GPC2: variants seen among roughly 807,000 people sequenced by gnomAD.
The protein encoded by GPC2 is glypican-2.
GPC2 carries 42 observed loss-of-function variants against 57.3 expected under a neutral mutation model. That is an observed-to-expected ratio of 0.73 (90% CI 0.57 to 0.95). GPC2 has a LOEUF of 0.95. Ranked by LOEUF, GPC2 falls within the 40% of genes least tolerant of loss-of-function variation. The probability of loss-of-function intolerance (pLI) is 0.00; values close to 1 mark genes in which losing one functional copy is unlikely to be tolerated. For synonymous variants in GPC2, 364 were observed against 343.4 expected (o/e 1.06, Z -0.66); for missense variants, 745 against 793.6 (o/e 0.94, Z 0.74).
intron 9 of GPC2, 71 bp from the exon 10 acceptor site, chr7:100,170,554 T>C: frequency 7.5e-7 from 1 of 1,335,374 alleles, no homozygotes; most frequent in East Asian, 2.9e-5. Context: ...GGAAAAGAAA[T>C]TGAGATAAAA....
At chr7:100,170,657 G>A (rs1247540558) in intron 9 of GPC2, among the ~76,000 whole-genome samples, 174 bp from the exon 10 acceptor site, 1 of 151,782 alleles carries the variant, frequency 6.6e-6, no homozygotes, top group Non-Finnish European at 1.5e-5. Context: ...AGGGAGAGAA[G>A]GAAGGAGAGA....
rs1296291670 is a variant in GPC2 at position 100,171,589 on chromosome 7, C to T, written c.1260G>A (p.Ala420=). ...AGGGCGCCGCCTCCAGCGAGGCGTC[C>T]GCTGCCATGCGAGAGTCTCCGCACA... is the stretch of plus-strand genomic sequence containing the variant. ...LTVCGDSRMA[A]DASLEAAPCW... The change falls in exon 8 of 10, where the codon GCG becomes GCA. Residue 420 remains alanine, a synonymous_variant. Coordinates refer to ENST00000292377, the MANE Select transcript of GPC2 (RefSeq NM_152742.3). The surrounding 1 kb of genome is among the most constrained non-coding windows in gnomAD (Gnocchi z 4.8). The T allele has an allele frequency of 5.3e-6, 8 of 1,514,998 alleles. No individual in the cohort carries two copies. The highest frequency in any genetic ancestry group is 6.1e-6 in the Non-Finnish European group (7 of 1,143,912). 93.8% of individuals were successfully genotyped at this position (1,514,998 alleles called of 1,614,324 possible). A position where few individuals can be genotyped will look rare whatever the true frequency, so the allele number is the denominator to read the frequency against.
rs1799175292 is a variant in GPC2, at chr7:100,171,461, G to A, written c.1311-25C>T. 11 of 1,357,948 alleles carry A rather than the reference G, an allele frequency of 8.1e-6. No homozygotes were observed. The South Asian group carries it at 1.6e-4, about 20-fold the overall frequency. 84.1% of individuals were successfully genotyped at this position (1,357,948 alleles called of 1,614,324 possible). ...CCTGCGAGCAGAGCAGCCCCGAAGCGCCAGCTAGCGCGCGCGGCCCCGCCC... is the reference window on the plus strand; with the variant it reads ...CCTGCGAGCAGAGCAGCCCCGAAGCACCAGCTAGCGCGCGCGGCCCCGCCC... On this transcript the variant is annotated intron_variant, in intron 8 of 9. Coordinates refer to ENST00000292377, the MANE Select transcript of GPC2 (RefSeq NM_152742.3). This position sits in a 1 kb window ranked among gnomAD's most constrained non-coding sequence, Gnocchi z 4.8.
Position 100,177,086 on chromosome 7 carries a change from C to A in GPC2, c.114G>T (p.Val38=), listed in dbSNP as rs376122876. The change falls in exon 1 of 10, where the codon GTG becomes GTT. Residue 38 remains valine, a synonymous_variant. Coordinates refer to ENST00000292377, the MANE Select transcript of GPC2 (RefSeq NM_152742.3). ...VTRSCAETRQ[V]LGARGYSLNL... is the part of the protein sequence containing the mutation. Reference sequence around the variant, plus strand: ...TTAAGCTATATCCCCGGGCCCCCAGCACCTGCCGGGTCTCTGCACAACTCC... The same window carrying A: ...TTAAGCTATATCCCCGGGCCCCCAGAACCTGCCGGGTCTCTGCACAACTCC... 8.1e-6 allele frequency: 13 copies of A among 1,612,644 alleles called. No homozygotes were observed. The highest frequency in any genetic ancestry group is 4.5e-5 in the East Asian group (2 of 44,840).
chr7:100,175,240 A>G (rs77390585), intron 3 of GPC2, among the ~76,000 whole-genome samples: 2,688 of 152,330 alleles, frequency 0.018, 80 homozygotes, highest in African/African-American at 0.061. Flanking sequence ...GTTTAGTTGA[A>G]CCAGAGGAAG....
At chr7:100,176,465 C>G in intron 1 of GPC2, 100 bp from the exon 2 acceptor site, 1 of 1,143,254 alleles carries the variant, frequency 8.7e-7, no homozygotes, top group Non-Finnish European at 1.3e-6. Context: ...TTCTACCTGC[C>G]TGGTCTCTTT....
At chr7:100,174,387 G>T in intron 4 of GPC2, 1 of 540,172 alleles carries the variant, frequency 1.9e-6, no homozygotes, top group South Asian at 2.0e-5. Context: ...GGGATCCTGG[G>T]GGGTTGGGCG....
intron 4 of GPC2, chr7:100,174,390 G>T: frequency 1.9e-6 from 1 of 539,486 alleles, no homozygotes; most frequent in East Asian, 3.3e-5. Context: ...ATCCTGGGGG[G>T]TTGGGCGGGG....
chr7:100,170,452 C>T lies in GPC2; in HGVS notation c.1518G>A (p.Gln506=). The T allele has an allele frequency of 6.4e-7, 1 of 1,572,722 alleles. No homozygotes were observed. Among genetic ancestry groups the T allele is most frequent in the Non-Finnish European group, 8.6e-7 (1 of 1,156,362 alleles). ...DEDASGSGGG[Q]QYADDWMAGA... ...CAGCCATCCAGTCATCTGCATACTG[C>T]TGTCCCCCTCCAGAGCCGCTGGCAT... Residue 506 remains glutamine, a synonymous_variant, in exon 10 of 10, where the codon CAG becomes CAA. Transcript: ENST00000292377.
In GPC2 at chr7:100,170,327, T is replaced by G; in HGVS notation, c.1643A>C (p.Gln548Pro). The change falls in exon 10 of 10, where the codon CAG (glutamine) becomes CCG (proline). Residue 548 changes from glutamine to proline, a missense_variant. Gln to Pro is a moderately conservative substitution (Grantham distance 76, BLOSUM62 -1). Transcript: ENST00000292377. The part of the protein sequence containing the change: ...KGGGGSARYN[Q>P]GRSRSGGASI... ...TGCCCCCCCACTCCTGCTCCGGCCC[T>G]GGTTGTAGCGGGCACTGCCACCTCC... The G allele has an allele frequency of 6.2e-7, 1 of 1,612,754 alleles. No homozygotes were observed. Among genetic ancestry groups the G allele is most frequent in the Non-Finnish European group, 8.5e-7 (1 of 1,179,476 alleles).
intron 5 of GPC2, among the ~76,000 whole-genome samples, chr7:100,173,031 G>A (rs1433268460): frequency 2.0e-5 from 3 of 151,810 alleles, no homozygotes; most frequent in Admixed American, 6.6e-5. Flanking sequence ...ATGCCACCAC[G>A]CCTGGCTAAT....
chr7:100,171,616 C>G lies in GPC2; in HGVS notation c.1233G>C (p.Thr411=), dbSNP rs760307064. 6 of 1,533,950 alleles carry G rather than the reference C, an allele frequency of 3.9e-6. No individual in the cohort carries two copies. Among genetic ancestry groups the G allele is most frequent in the Non-Finnish European group, 5.2e-6 (6 of 1,153,392 alleles). ...CTGCCATGCGAGAGTCTCCGCACACCGTCAGGGACAGCCGGGCCCAGAAGC... is the reference window on the plus strand; with the variant it reads ...CTGCCATGCGAGAGTCTCCGCACACGGTCAGGGACAGCCGGGCCCAGAAGC... ...MRGFWARLSL[T]VCGDSRMAAD... is the part of the protein sequence containing the mutation. The change falls in exon 8 of 10, where the codon ACG becomes ACC. Residue 411 remains threonine (T), a synonymous_variant. Coordinates refer to ENST00000292377, the MANE Select transcript of GPC2 (RefSeq NM_152742.3). This position sits in a 1 kb window ranked among gnomAD's most constrained non-coding sequence, Gnocchi z 4.8.
In GPC2 at chr7:100,177,322, G is replaced by T. The variant is rs1799329079; in HGVS notation, c.-123C>A. ...GGGCCAGAGAAAGAGCGCTGCTCCG[G>T]AAAACTGAATACCGAGCACGATAGC... On this transcript the variant is annotated 5_prime_UTR_variant, in exon 1 of 10. Coordinates refer to ENST00000292377, the MANE Select transcript of GPC2 (RefSeq NM_152742.3). 1 of 816,730 alleles carries T rather than the reference G, an allele frequency of 1.2e-6. No homozygotes were observed. The highest frequency in any genetic ancestry group is 3.3e-5 in the Admixed American group (1 of 30,648). 50.6% of individuals were successfully genotyped at this position (816,730 alleles called of 1,614,324 possible).
At position 100,177,208 on chromosome 7, in the gene GPC2, C is replaced by T; in HGVS notation, c.-9G>A. 6.2e-7 allele frequency: 1 copy of T among 1,609,504 alleles called. No homozygotes were observed. The highest frequency in any genetic ancestry group is 8.5e-7 in the Non-Finnish European group (1 of 1,177,998). ...GGTCGCAGCGCGGACATAACTGCAGCCACCCCAGGACGGCAAAGTGGGTCC... is the reference window on the plus strand; with the variant it reads ...GGTCGCAGCGCGGACATAACTGCAGTCACCCCAGGACGGCAAAGTGGGTCC... On this transcript the variant is annotated 5_prime_UTR_variant, in exon 1 of 10. Coordinates refer to ENST00000292377, the MANE Select transcript of GPC2 (RefSeq NM_152742.3).
At chr7:100,176,754 A>G (rs1799294136) in intron 1 of GPC2, among the ~76,000 whole-genome samples, 1 of 152,170 alleles carries the variant, frequency 6.6e-6, no homozygotes, top group South Asian at 2.1e-4. Context: ...GGGCTAATAG[A>G]AACAGCGAGG....
At position 100,171,211 on chromosome 7, in the gene GPC2, G is replaced by A; in HGVS notation, c.1486+50C>T. The A allele has an allele frequency of 6.9e-7, 1 of 1,453,338 alleles. No homozygotes were observed. Among genetic ancestry groups the A allele is most frequent in the Non-Finnish European group, 9.2e-7 (1 of 1,092,832 alleles). 90.0% of individuals were successfully genotyped at this position (1,453,338 alleles called of 1,614,324 possible). ...GCGGGAACTACCAGGAGAGGGGAGA[G>A]GCTTCAGGGCAGTGGGCGGGGCTCA... On this transcript the variant is annotated intron_variant, in intron 9 of 9. Transcript: ENST00000292377. The surrounding 1 kb of genome is among the most constrained non-coding windows in gnomAD (Gnocchi z 4.8).
chr7:100,173,213 G>A (rs1429524447), intron 5 of GPC2, among the ~76,000 whole-genome samples: 2 of 151,866 alleles, frequency 1.3e-5, no homozygotes, highest in Non-Finnish European at 2.9e-5. Flanking sequence ...CTTGTGATCC[G>A]CCTGCCTCCG....
At chr7:100,172,696 TAC>T (rs1466762465) in intron 5 of GPC2, among the ~76,000 whole-genome samples, 1 of 147,594 alleles carries the variant, frequency 6.8e-6, no homozygotes, top group Non-Finnish European at 1.5e-5. Context: ...TATATATATA[TAC>T]GTGTATATAT....
At chr7:100,175,210 G>A (rs141652525) in intron 3 of GPC2, among the ~76,000 whole-genome samples, 8 of 152,332 alleles carry the variant, frequency 5.3e-5, no homozygotes, top group Non-Finnish European at 8.8e-5. Context: ...TGCCTTTTGC[G>A]TATTGAATGC....
Sources: gnomAD v4.1 joint callset for allele counts (sites outside exome capture counted in the v4.1 genomes callset) on GRCh38, gnomAD v4.1.1 for gene constraint, Gnocchi (gnomAD v3.1) non-coding constraint, MANE v1.5 for transcripts, NCBI Gene and HGNC (gene_info 2026-07-23, HGNC 2026-07-21) for gene names.